Variants in NTNG1 observed in about 807,000 individuals in gnomAD.
The protein encoded by NTNG1 is netrin G1.
Under a neutral mutation model 54.0 loss-of-function variants are expected in NTNG1, and 16 were observed. The observed-to-expected ratio is 0.30, with a 90% CI of 0.20 to 0.45. The LOEUF is 0.45. Among genes scored for constraint, NTNG1 ranks in the 20% least tolerant of loss-of-function variants. The pLI is 1.00. For missense variants in NTNG1, 530 were observed against 678.7 expected (o/e 0.78, Z 2.43); for synonymous variants, 255 against 263.1 (o/e 0.97, Z 0.30).
chr1:107,344,454 G>A (rs1416217521), intron 3 of NTNG1, among the ~76,000 whole-genome samples: 1 of 152,100 alleles, frequency 6.6e-6, no homozygotes, highest in Non-Finnish European at 1.5e-5. Flanking sequence ...TTTTGTGTAG[G>A]GAAGTGCATT....
chr1:107,269,425 T>C (rs538949546), intron 2 of NTNG1, among the ~76,000 whole-genome samples: 2 of 152,254 alleles, frequency 1.3e-5, no homozygotes, highest in Non-Finnish European at 2.9e-5. Context: ...TTTACCCTGC[T>C]TTATTGTTTT....
At position 107,469,473 on chromosome 1, in the gene NTNG1, T is replaced by C. The variant is rs547547177; in HGVS notation, c.1391-11138T>C. 2.6e-5 allele frequency among the ~76,000 whole-genome samples: 4 copies of C among 152,282 alleles called. No individual in the cohort carries two copies. The East Asian group carries it at 5.8e-4, about 22-fold the overall frequency. On this transcript the variant is annotated intron_variant, in intron 7 of 7. Coordinates refer to ENST00000370068, the MANE Select transcript of NTNG1 (RefSeq NM_001113226.3). ...CAACAAAATTTTATTTATTTTATTT[T>C]ATCTTATTTTATTGTATTGTATTTT... is the stretch of plus-strand genomic sequence containing the variant.
intron 4 of NTNG1, among the ~76,000 whole-genome samples, chr1:107,399,119 A>ACT (rs35716300): frequency 0.46 from 69,753 of 151,842 alleles, 16,865 homozygotes; most frequent in East Asian, 0.65. Context: ...TGTATACTAT[A>ACT]GACTATTCAT....
chr1:107,301,872 G>T (rs552360938), intron 2 of NTNG1, among the ~76,000 whole-genome samples: 7 of 152,268 alleles, frequency 4.6e-5, no homozygotes, highest in South Asian at 2.1e-4. Flanking sequence ...ATCCTGTTGT[G>T]AATCTTTATG....
chr1:107,401,009 G>A (rs886438538), intron 4 of NTNG1, among the ~76,000 whole-genome samples: 8 of 152,144 alleles, frequency 5.3e-5, no homozygotes, highest in African/African-American at 1.4e-4. Flanking sequence ...TAATGTGCAC[G>A]TGGCTACACT....
intron 3 of NTNG1, among the ~76,000 whole-genome samples, chr1:107,369,532 C>T (rs1479284187): frequency 6.6e-6 from 1 of 152,018 alleles, no homozygotes; most frequent in African/African-American, 2.4e-5. Context: ...GCTTATTTGC[C>T]ATATATCTTT....
At position 107,261,961 on chromosome 1, in the gene NTNG1, A is replaced by C. The variant is rs1174148937; in HGVS notation, c.247-62321A>C. On this transcript the variant is annotated intron_variant, in intron 2 of 7. Transcript: ENST00000370068. ...TTTGTATGAGGTTCTCTGTCCGGGCAATGTTAACTATTGAAAAATTACATT... is the reference window on the plus strand; with the variant it reads ...TTTGTATGAGGTTCTCTGTCCGGGCCATGTTAACTATTGAAAAATTACATT... Among the ~76,000 whole-genome samples, 4 of 152,348 alleles carry C rather than the reference A, an allele frequency of 2.6e-5. No homozygotes were observed. In the East Asian group the frequency reaches 7.7e-4, roughly 29 times the overall value.
In NTNG1 at chr1:107,482,329, G is replaced by A. The variant is rs1678778732; in HGVS notation, c.*1489G>A. On this transcript the variant is annotated 3_prime_UTR_variant, in exon 8 of 8. Transcript: ENST00000370068. ...GAATATATTCAGACTTAAGTATTTA[G>A]AGGAAATATCAAAATATAAAGCAGC... 6.6e-6 allele frequency: 1 copy of A among 152,192 alleles called. No homozygotes were observed. Among genetic ancestry groups the A allele is most frequent in the African/African-American group, 2.4e-5 (1 of 41,436 alleles). 9.4% of individuals were successfully genotyped at this position (152,192 alleles called of 1,614,324 possible).
rs376417582 is a variant in NTNG1 at position 107,147,456 on chromosome 1, A to C, written c.-525-613A>C. Among the ~76,000 whole-genome samples the C allele has an allele frequency of 1.6e-3, 240 of 149,192 alleles. 1 individual carries two copies. The highest frequency in any genetic ancestry group is 5.6e-3 in the African/African-American group (231 of 41,376). On this transcript the variant is annotated intron_variant, in intron 1 of 7. Coordinates refer to ENST00000370068, the MANE Select transcript of NTNG1 (RefSeq NM_001113226.3). ...AAGGAAATTTTGCTCCTTTGGTTTT[A>C]TTTTTGATTTTTTTTTTTCAGAGAG...
At chr1:107,173,178 T>C (rs1557779778) in intron 2 of NTNG1, among the ~76,000 whole-genome samples, 1 of 151,926 alleles carries the variant, frequency 6.6e-6, no homozygotes, top group Non-Finnish European at 1.5e-5. Flanking sequence ...TTGAGATATA[T>C]ACCCAGCCAG....
chr1:107,150,114 C>T (rs573325763), intron 2 of NTNG1, among the ~76,000 whole-genome samples: 1 of 152,108 alleles, frequency 6.6e-6, no homozygotes, highest in Non-Finnish European at 1.5e-5. Flanking sequence ...ATAGTCTAAA[C>T]CTGATTTTGT....
chr1:107,367,047 C>A (rs1246554315), intron 3 of NTNG1, among the ~76,000 whole-genome samples: 1 of 149,378 alleles, frequency 6.7e-6, no homozygotes, highest in African/African-American at 2.5e-5. Context: ...TACAAAGGAA[C>A]AATGTCTTTT....
intron 2 of NTNG1, among the ~76,000 whole-genome samples, chr1:107,262,288 G>A (rs768694233): frequency 3.9e-5 from 6 of 152,194 alleles, no homozygotes; most frequent in Non-Finnish European, 8.8e-5. Flanking sequence ...GGACGACTAG[G>A]TTCACTACTT....
At chr1:107,410,290 G>T (rs961560576) in intron 5 of NTNG1, 7 of 152,040 alleles carry the variant, frequency 4.6e-5, no homozygotes, top group Admixed American at 3.9e-4. Flanking sequence ...TAAAGGTTTT[G>T]GGGCCCTAAT....
rs11282150 is a variant in NTNG1, at chr1:107,250,723, G to GGTATTTTTAC, written c.247-73559_247-73558insGTATTTTTAC. 2.0e-5 allele frequency among the ~76,000 whole-genome samples: 3 copies of GGTATTTTTAC among 152,120 alleles called. No individual in the cohort carries two copies. The East Asian group carries it at 5.8e-4, about 29-fold the overall frequency. On this transcript the variant is annotated intron_variant, in intron 2 of 7. Transcript: ENST00000370068. ...GTCCAGAATCCAGGCAAGAGGGTCG[G>GGTATTTTTAC]CCCTGCGTCAACCAGTCATTGGAAG...
intron 2 of NTNG1, among the ~76,000 whole-genome samples, chr1:107,215,544 A>G (rs1007822414): frequency 6.6e-6 from 1 of 152,150 alleles, no homozygotes; most frequent in South Asian, 2.1e-4. Context: ...GCCTTATAGC[A>G]TAGTTTGAAG....
At chr1:107,200,059 T>C (rs1175016892) in intron 2 of NTNG1, among the ~76,000 whole-genome samples, 4 of 151,880 alleles carry the variant, frequency 2.6e-5, no homozygotes, top group African/African-American at 9.7e-5. Flanking sequence ...GTACTATGAT[T>C]TGTTCCTTCT....
At chr1:107,182,769 G>T (rs1284749096) in intron 2 of NTNG1, among the ~76,000 whole-genome samples, 1 of 152,094 alleles carries the variant, frequency 6.6e-6, no homozygotes, top group Non-Finnish European at 1.5e-5. Context: ...GGCATAGCAT[G>T]GATGGCAACC....
intron 2 of NTNG1, among the ~76,000 whole-genome samples, chr1:107,229,045 GCTT>G (rs1660877730): frequency 6.6e-6 from 1 of 152,068 alleles, no homozygotes; most frequent in Non-Finnish European, 1.5e-5. Context: ...CCTTGGACTG[GCTT>G]CATGCTAGAT....
Sources: gnomAD v4.1 joint callset for allele counts (sites outside exome capture counted in the v4.1 genomes callset) on GRCh38, gnomAD v4.1.1 for gene constraint, MANE v1.5 for transcripts, NCBI Gene and HGNC (gene_info 2026-07-23, HGNC 2026-07-21) for gene names.